MEIKIN: variants seen among roughly 807,000 people sequenced by gnomAD.
MEIKIN encodes the protein meiotic kinetochore factor.
chr5:131,867,209 A>G (rs1250838938), intron 9 of MEIKIN, among the ~76,000 whole-genome samples: 1 of 152,168 alleles, frequency 6.6e-6, no homozygotes, highest in Non-Finnish European at 1.5e-5. Flanking sequence ...AAATTAATGA[A>G]TTTTATTTTT....
rs76534877 is a variant in MEIKIN at position 131,900,844 on chromosome 5, G to A, written c.703+10971C>T. Among the ~76,000 whole-genome samples, 811 of 152,264 alleles carry A rather than the reference G, an allele frequency of 5.3e-3. 9 individuals are homozygous for A. Among genetic ancestry groups the A allele is most frequent in the African/African-American group, 0.019 (790 of 41,534 alleles). The stretch of plus-strand genomic sequence containing the variant: ...TCCTGACTGGTACAGAGCTCCAGGA[G>A]AGCAGACACTGTGGATGTACGCCAG... On this transcript the variant is annotated intron_variant, in intron 8 of 12. Coordinates refer to ENST00000442687, the MANE Select transcript of MEIKIN (RefSeq NM_001303622.2).
chr5:131,873,097 G>A (rs1369097006), intron 9 of MEIKIN, among the ~76,000 whole-genome samples: 5 of 152,142 alleles, frequency 3.3e-5, no homozygotes, highest in Non-Finnish European at 1.5e-5. Flanking sequence ...CAACTAACGA[G>A]CAAAATAGCC....
At chr5:131,822,985 T>C (rs1749546432) in intron 11 of MEIKIN, among the ~76,000 whole-genome samples, 1 of 151,734 alleles carries the variant, frequency 6.6e-6, no homozygotes, top group Admixed American at 6.6e-5. Context: ...GTAAAAGTTG[T>C]TTTCCTTCAG....
At chr5:131,890,852 T>C (rs923606227) in intron 8 of MEIKIN, among the ~76,000 whole-genome samples, 6 of 152,214 alleles carry the variant, frequency 3.9e-5, no homozygotes, top group Non-Finnish European at 7.3e-5. Flanking sequence ...TTGTGGGCAT[T>C]TAGTGCTATA....
chr5:131,843,092 C>T (rs1749945918), intron 11 of MEIKIN, among the ~76,000 whole-genome samples: 3 of 152,228 alleles, frequency 2.0e-5, no homozygotes, highest in African/African-American at 4.8e-5. Context: ...GTACCTTGGC[C>T]CCTTTTGGCC....
chr5:131,897,792 C>A (rs1751079818), intron 8 of MEIKIN, among the ~76,000 whole-genome samples: 1 of 152,246 alleles, frequency 6.6e-6, no homozygotes, highest in East Asian at 1.9e-4. Flanking sequence ...ATTCGTCTAA[C>A]CTTTTTTCAA....
At chr5:131,817,293 C>G (rs1447492598) in intron 12 of MEIKIN, among the ~76,000 whole-genome samples, 1 of 152,074 alleles carries the variant, frequency 6.6e-6, no homozygotes, top group Non-Finnish European at 1.5e-5. Flanking sequence ...GCCTCCATAA[C>G]CACATTAGCC....
intron 11 of MEIKIN, among the ~76,000 whole-genome samples, chr5:131,847,455 T>A (rs1229677860): frequency 1.3e-5 from 2 of 152,074 alleles, no homozygotes; most frequent in Non-Finnish European, 2.9e-5. Context: ...ATGAATATTA[T>A]ATATTAATAA....
chr5:131,919,146 G>A (rs1313171077), intron 6 of MEIKIN, among the ~76,000 whole-genome samples: 1 of 151,970 alleles, frequency 6.6e-6, no homozygotes, highest in Non-Finnish European at 1.5e-5. Flanking sequence ...ATATAATCAT[G>A]GAAATGCAAG....
chr5:131,910,615 T>C (rs1751318754), intron 8 of MEIKIN, among the ~76,000 whole-genome samples: 1 of 152,092 alleles, frequency 6.6e-6, no homozygotes, highest in Non-Finnish European at 1.5e-5. Flanking sequence ...AAAGGATAAA[T>C]GCTTGAGGGC....
intron 11 of MEIKIN, among the ~76,000 whole-genome samples, chr5:131,848,748 A>G (rs1278627456): frequency 1.3e-5 from 2 of 152,222 alleles, no homozygotes; most frequent in Non-Finnish European, 2.9e-5. Context: ...AATATCCACT[A>G]GAACATTGAA....
At chr5:131,859,217 A>C (rs907117807) in intron 9 of MEIKIN, among the ~76,000 whole-genome samples, 8 of 152,238 alleles carry the variant, frequency 5.3e-5, no homozygotes, top group African/African-American at 1.4e-4. Context: ...AATGTGGTAC[A>C]TATACACCAT....
At chr5:131,945,284 C>T in intron 1 of MEIKIN, 35 bp from the exon 2 acceptor site, 1 of 399,136 alleles carries the variant, frequency 2.5e-6, no homozygotes, top group Non-Finnish European at 4.4e-6. Flanking sequence ...GGCAAGAAAC[C>T]TACCCACCGG....
intron 11 of MEIKIN, among the ~76,000 whole-genome samples, chr5:131,823,377 A>C (rs903044150): frequency 2.0e-5 from 3 of 151,546 alleles, no homozygotes; most frequent in South Asian, 2.1e-4. Context: ...TTCATTCTTT[A>C]TTCTTTCTTC....
At chr5:131,880,443 T>C (rs1333087492) in intron 8 of MEIKIN, among the ~76,000 whole-genome samples, 1 of 150,662 alleles carries the variant, frequency 6.6e-6, no homozygotes, top group Non-Finnish European at 1.5e-5. Context: ...GGTCTCACCA[T>C]GTTGGCCAGG....
intron 8 of MEIKIN, among the ~76,000 whole-genome samples, chr5:131,909,058 A>G (rs1368063828): frequency 6.6e-6 from 1 of 152,168 alleles, no homozygotes; most frequent in Non-Finnish European, 1.5e-5. Context: ...AATTCTTCAT[A>G]CAAATAAAGT....
chr5:131,928,536 C>T (rs898950653), intron 5 of MEIKIN, among the ~76,000 whole-genome samples: 7 of 152,166 alleles, frequency 4.6e-5, no homozygotes, highest in African/African-American at 1.4e-4. Context: ...ATACTTCTCC[C>T]CCTCCTGCAC....
intron 11 of MEIKIN, among the ~76,000 whole-genome samples, chr5:131,827,441 AAGAC>A (rs925551946): frequency 6.6e-6 from 1 of 152,212 alleles, no homozygotes; most frequent in African/African-American, 2.4e-5. Context: ...TGAAAGTTAA[AAGAC>A]AGAGCTTGTC....
chr5:131,838,042 T>A (rs1749841342), intron 11 of MEIKIN, among the ~76,000 whole-genome samples: 3 of 152,192 alleles, frequency 2.0e-5, no homozygotes, highest in Non-Finnish European at 4.4e-5. Flanking sequence ...CAATATCTAG[T>A]TTATTGATAA....
Sources: gnomAD v4.1 joint callset for allele counts (sites outside exome capture counted in the v4.1 genomes callset) on GRCh38, gnomAD v4.1.1 for gene constraint, MANE v1.5 for transcripts, NCBI Gene and HGNC (gene_info 2026-07-23, HGNC 2026-07-21) for gene names.